The following CLOCK variants were observed in gnomAD, a reference collection of about 807,000 sequenced individuals.
CLOCK encodes the protein clock circadian regulator, also known as circadian locomoter output cycles protein kaput.
CLOCK carries 43 observed loss-of-function variants against 118.4 expected under a neutral mutation model. The observed-to-expected ratio is 0.36, with a 90% CI of 0.28 to 0.47. CLOCK has a LOEUF of 0.47. Among genes scored for constraint, CLOCK ranks in the 20% least tolerant of loss-of-function variants. The pLI is 1.00. For missense variants in CLOCK, 846 were observed against 999.9 expected (o/e 0.85, Z 2.08); for synonymous variants, 326 against 339.2 (o/e 0.96, Z 0.43).
intron 11 of CLOCK, among the ~76,000 whole-genome samples, chr4:55,456,592 G>A (rs528416493): frequency 6.6e-6 from 1 of 151,906 alleles, no homozygotes; most frequent in African/African-American, 2.4e-5. Flanking sequence ...AACCCAGGAG[G>A]TGGAGGTTAA....
chr4:55,440,372 A>C (rs1723264578), intron 21 of CLOCK, among the ~76,000 whole-genome samples: 1 of 152,212 alleles, frequency 6.6e-6, no homozygotes, highest in Non-Finnish European at 1.5e-5. Flanking sequence ...AACCCCAAAA[A>C]AATGATGCTT....
rs753230415 is a variant in CLOCK, at chr4:55,438,362, T to TCTGCTGCTG, written c.2272_2280dup (p.Gln758_Gln760dup). The TCTGCTGCTG allele has an allele frequency of 7.4e-6, 12 of 1,613,030 alleles. No individual in the cohort carries two copies. Among genetic ancestry groups the TCTGCTGCTG allele is most frequent in the Non-Finnish European group, 1.0e-5 (12 of 1,179,484 alleles). The stretch of plus-strand genomic sequence containing the variant: ...GAAGTGAGCTGCTGCTCCTGGGAGC[T>TCTGCTGCTG]CTGCTGCTGCTGCTGCTGCGTTACT... On this transcript the variant is annotated inframe_insertion, in exon 22 of 23. Coordinates refer to ENST00000513440, the MANE Select transcript of CLOCK (RefSeq NM_004898.4).
chr4:55,519,491 AATAAAT>A (rs1356363519), intron 1 of CLOCK, among the ~76,000 whole-genome samples: 3 of 152,230 alleles, frequency 2.0e-5, no homozygotes, highest in Non-Finnish European at 2.9e-5. Context: ...AGATCTTAAG[AATAAAT>A]GTCATTGGAC....
intron 9 of CLOCK, among the ~76,000 whole-genome samples, chr4:55,462,689 A>C (rs4340844): frequency 0.34 from 51,425 of 152,092 alleles, 9,390 homozygotes; most frequent in East Asian, 0.58. Context: ...ATACAGCCTA[A>C]ATCTTTCTAA....
At chr4:55,514,500 T>C (rs1577834894) in intron 1 of CLOCK, among the ~76,000 whole-genome samples, 1 of 147,586 alleles carries the variant, frequency 6.8e-6, no homozygotes. Flanking sequence ...AACATTTTTA[T>C]CCCCCCCCCA....
rs144992808 is a variant in CLOCK at position 55,492,863 on chromosome 4, A to G, written c.-135-3398T>C. On this transcript the variant is annotated intron_variant, in intron 2 of 22. Transcript: ENST00000513440. Reference sequence around the variant, plus strand: ...CTGTCTCTAAAAAAAATAAAATAAAATAAAAACAGTAAAGCTAGAACAAAT... The same window carrying G: ...CTGTCTCTAAAAAAAATAAAATAAAGTAAAAACAGTAAAGCTAGAACAAAT... Among the ~76,000 whole-genome samples, 1,258 of 152,310 alleles carry G rather than the reference A, an allele frequency of 8.3e-3. 20 individuals are homozygous for G. Among genetic ancestry groups the G allele is most frequent in the African/African-American group, 0.029 (1,199 of 41,574 alleles).
chr4:55,436,818 T>C (rs1722910574), intron 22 of CLOCK, among the ~76,000 whole-genome samples: 1 of 151,916 alleles, frequency 6.6e-6, no homozygotes, highest in African/African-American at 2.4e-5. Flanking sequence ...GTGTATTTAT[T>C]ACCTACATAC....
intron 15 of CLOCK, among the ~76,000 whole-genome samples, chr4:55,451,946 A>G (rs1312538616): frequency 6.6e-6 from 1 of 152,188 alleles, no homozygotes; most frequent in East Asian, 1.9e-4. Flanking sequence ...GAATGACTGA[A>G]TGACATCTAC....
intron 5 of CLOCK, 56 bp from the exon 6 acceptor site, chr4:55,479,019 T>A: frequency 7.3e-7 from 1 of 1,377,330 alleles, no homozygotes; most frequent in South Asian, 1.3e-5. Flanking sequence ...ACACAAGTAG[T>A]TTAATACAAT....
At chr4:55,440,153 G>A (rs1314636470) in intron 21 of CLOCK, among the ~76,000 whole-genome samples, 1 of 152,064 alleles carries the variant, frequency 6.6e-6, no homozygotes, top group East Asian at 1.9e-4. Context: ...CTATTATAAT[G>A]TATTTTTTAA....
intron 7 of CLOCK, among the ~76,000 whole-genome samples, chr4:55,475,028 G>C (rs1309828737): frequency 2.0e-5 from 3 of 152,168 alleles, no homozygotes; most frequent in Admixed American, 2.0e-4. Flanking sequence ...CCCATAGATA[G>C]TGATTCATGT....
chr4:55,544,648 T>G (rs1271863443), intron 1 of CLOCK, among the ~76,000 whole-genome samples: 2 of 152,192 alleles, frequency 1.3e-5, no homozygotes, highest in African/African-American at 2.4e-5. Flanking sequence ...CACCATAAAT[T>G]AGGCAACAAA....
rs554927381 is a variant in CLOCK at position 55,502,684 on chromosome 4, T to A, written c.-136+7228A>T. On this transcript the variant is annotated intron_variant, in intron 2 of 22. Transcript: ENST00000513440. ...ATAAAAAAATTTGATAAAATGGACT[T>A]CATTAAAATTAAGAAATTATCTTAA... is the stretch of plus-strand genomic sequence containing the variant. Among the ~76,000 whole-genome samples the A allele has an allele frequency of 4.6e-5, 7 of 152,276 alleles. No individual in the cohort carries two copies. The South Asian group carries it at 6.2e-4, about 14-fold the overall frequency.
intron 2 of CLOCK, among the ~76,000 whole-genome samples, chr4:55,504,794 A>G (rs887531221): frequency 6.6e-6 from 1 of 152,200 alleles, no homozygotes; most frequent in African/African-American, 2.4e-5. Context: ...TATTTTTTAC[A>G]TTTGCAAAGT....
intron 1 of CLOCK, among the ~76,000 whole-genome samples, chr4:55,511,336 GACA>G (rs966007701): frequency 1.6e-4 from 24 of 151,868 alleles, no homozygotes; most frequent in African/African-American, 5.3e-4. Flanking sequence ...TTCTTGTACT[GACA>G]ACAAGAAATG....
chr4:55,444,629 T>C lies in CLOCK; in HGVS notation c.1692+4A>G. 1 of 1,614,038 alleles carries C rather than the reference T, an allele frequency of 6.2e-7. No homozygotes were observed. The highest frequency in any genetic ancestry group is 8.5e-7 in the Non-Finnish European group (1 of 1,179,986). ...CTTTGTTTGTATTCAAATATAACAA[T>C]TACCTGCAGCCCCTGACCATGGACC... is the stretch of plus-strand genomic sequence containing the variant. On this transcript the variant is annotated splice_donor_region_variant and intron_variant, in intron 19 of 22. Transcript: ENST00000513440.
chr4:55,542,659 T>TTA (rs1731359027), intron 1 of CLOCK, among the ~76,000 whole-genome samples: 1 of 151,974 alleles, frequency 6.6e-6, no homozygotes, highest in Non-Finnish European at 1.5e-5. Context: ...TTGTTGTCAG[T>TTA]TAAGCAAAAG....
At chr4:55,517,000 G>A (rs1729556364) in intron 1 of CLOCK, among the ~76,000 whole-genome samples, 1 of 152,024 alleles carries the variant, frequency 6.6e-6, no homozygotes, top group African/African-American at 2.4e-5. Flanking sequence ...TATCATTCCT[G>A]TCATTCATTT....
chr4:55,510,583 C>A (rs368450001), intron 1 of CLOCK, among the ~76,000 whole-genome samples: 2 of 143,744 alleles, frequency 1.4e-5, no homozygotes, highest in Non-Finnish European at 3.0e-5. Flanking sequence ...GCCGAGATTG[C>A]GCCACTGCAC....
Sources: gnomAD v4.1 joint callset for allele counts (sites outside exome capture counted in the v4.1 genomes callset) on GRCh38, gnomAD v4.1.1 for gene constraint, MANE v1.5 for transcripts, NCBI Gene and HGNC (gene_info 2026-07-23, HGNC 2026-07-21) for gene names.